DGKD: variants seen among roughly 807,000 people sequenced by gnomAD.
DGKD encodes the protein diacylglycerol kinase delta, also known as DAG kinase delta.
Under a neutral mutation model 154.4 loss-of-function variants are expected in DGKD, and 68 were observed. The ratio of observed to expected loss-of-function variants is 0.44; its 90% confidence interval spans 0.36 to 0.54. The LOEUF (loss-of-function observed/expected upper bound fraction) is 0.54, where lower values mean the gene tolerates loss of function less well. DGKD is among the 20% of genes least tolerant of loss of function. DGKD has a pLI of 0.00. For synonymous variants in DGKD, 693 were observed against 638.0 expected (o/e 1.09, Z -1.30); for missense variants, 1,343 against 1,593.6 (o/e 0.84, Z 2.68).
chr2:233,432,700 C>T (rs1461190007), intron 3 of DGKD, among the ~76,000 whole-genome samples: 1 of 151,926 alleles, frequency 6.6e-6, no homozygotes, highest in Non-Finnish European at 1.5e-5. Context: ...AAAACTATTC[C>T]TCTGACAAGG....
chr2:233,452,563 C>T lies in DGKD; in HGVS notation c.2264+503C>T, dbSNP rs929658557. ...CCTCTGTGTGTCTCCCTTGTGTCTC[C>T]GAGCACCTTAGGGAGACACTAGCCT... On this transcript the variant is annotated intron_variant, in intron 18 of 29. Coordinates refer to ENST00000264057, the MANE Select transcript of DGKD (RefSeq NM_152879.3). The surrounding 1 kb of genome is among the most constrained non-coding windows in gnomAD (Gnocchi z 4.0). Among the ~76,000 whole-genome samples the T allele has an allele frequency of 2.0e-5, 3 of 152,124 alleles. No individual in the cohort carries two copies. Among genetic ancestry groups the T allele is most frequent in the Non-Finnish European group, 2.9e-5 (2 of 68,030 alleles).
chr2:233,445,506 T>G lies in DGKD; in HGVS notation c.1195-117T>G. On this transcript the variant is annotated intron_variant, in intron 10 of 29. Coordinates refer to ENST00000264057, the MANE Select transcript of DGKD (RefSeq NM_152879.3). This position sits in a 1 kb window ranked among gnomAD's most constrained non-coding sequence, Gnocchi z 5.5. ...AATGTGTAAGCTGCGTGGTTTTAGG[T>G]CACGTCCCCACATTGCTAACGTAAC... 1.4e-6 allele frequency: 2 copies of G among 1,419,302 alleles called. No individual in the cohort carries two copies. Among genetic ancestry groups the G allele is most frequent in the Non-Finnish European group, 9.4e-7 (1 of 1,067,452 alleles). 87.9% of individuals were successfully genotyped at this position (1,419,302 alleles called of 1,614,324 possible).
At chr2:233,422,389 A>G (rs2062148339) in intron 3 of DGKD, among the ~76,000 whole-genome samples, 2 of 152,258 alleles carry the variant, frequency 1.3e-5, no homozygotes, top group Non-Finnish European at 1.5e-5. Context: ...GCCCATAGCA[A>G]AATGAGCAGC....
Position 233,457,656 on chromosome 2 carries a change from G to C in DGKD, c.2580+328G>C. On this transcript the variant is annotated intron_variant, in intron 21 of 29. Coordinates refer to ENST00000264057, the MANE Select transcript of DGKD (RefSeq NM_152879.3). The surrounding 1 kb of genome is among the most constrained non-coding windows in gnomAD (Gnocchi z 5.5). The stretch of plus-strand genomic sequence containing the variant: ...TGGAGTTGGCTAAGTTAGGTGGGCA[G>C]AGGAGAGGGGGAGGCTGTTCCAGGC... 2 of 480,448 alleles carry C rather than the reference G, an allele frequency of 4.2e-6. No individual in the cohort carries two copies. The highest frequency in any genetic ancestry group is 8.2e-6 in the Non-Finnish European group (2 of 244,602). The allele number at this position is 480,448 out of a possible 1,614,324, so 29.8% of individuals were successfully genotyped here. A position where few individuals can be genotyped will look rare whatever the true frequency, so the allele number is the denominator to read the frequency against.
At chr2:233,443,014 G>A (rs2062951725) in intron 10 of DGKD, among the ~76,000 whole-genome samples, 1 of 152,168 alleles carries the variant, frequency 6.6e-6, no homozygotes, top group Admixed American at 6.5e-5. Flanking sequence ...GGGAGCCCAG[G>A]GCCAGCTCAC....
intron 3 of DGKD, among the ~76,000 whole-genome samples, chr2:233,423,724 G>A (rs1469762604): frequency 6.6e-6 from 1 of 152,100 alleles, no homozygotes; most frequent in Non-Finnish European, 1.5e-5. Flanking sequence ...GGGTGTTACT[G>A]CCGTTGTCAG....
chr2:233,454,520 G>A lies in DGKD; in HGVS notation c.2265-243G>A, dbSNP rs2063393237. The A allele has an allele frequency of 9.5e-5, 48 of 504,738 alleles. 1 individual carries two copies. Among genetic ancestry groups the A allele is most frequent in the South Asian group, 7.2e-4 (43 of 59,510 alleles). 31.3% of individuals were successfully genotyped at this position (504,738 alleles called of 1,614,324 possible). On this transcript the variant is annotated intron_variant, in intron 18 of 29. Coordinates refer to ENST00000264057, the MANE Select transcript of DGKD (RefSeq NM_152879.3). The stretch of plus-strand genomic sequence containing the variant: ...GGAGTACAGGCTTTCTCTTTAGGGG[G>A]ATGAAATGCTCTAAAATCGATTATC...
Position 233,454,767 on chromosome 2 carries a change from T to G in DGKD, c.2269T>G (p.Tyr757Asp). Residue 757 changes from tyrosine to aspartate, a missense_variant, in exon 19 of 30, where the codon TAT (tyrosine) becomes GAT (aspartate). Physicochemically the swap from Tyr to Asp is radical, Grantham distance 160. Around this residue, in one of 6 missense-constraint regions of DGKD, gnomAD observed 409 missense variants for 446.0 expected, o/e 0.92. Coordinates refer to ENST00000264057, the MANE Select transcript of DGKD (RefSeq NM_152879.3). ...ATTTAAAACTCACCTTTGCAGAGAG[T>G]ATTACACGGAGAAATGTGTCATGAA... ...PFNSEPETLE[Y>D]YTEKCVMNNY... The G allele has an allele frequency of 6.3e-7, 1 of 1,598,916 alleles. No individual in the cohort carries two copies. The highest frequency in any genetic ancestry group is 1.1e-5 in the South Asian group (1 of 90,746).
rs1159271042 is a variant in DGKD, at chr2:233,440,831, C to G, written c.1086-1056C>G. 6.6e-6 allele frequency among the ~76,000 whole-genome samples: 1 copy of G among 152,128 alleles called. No individual in the cohort carries two copies. Among genetic ancestry groups the G allele is most frequent in the Non-Finnish European group, 1.5e-5 (1 of 68,020 alleles). ...CATGGGGAGCTTTCAGGAAGGGTGTCAAGGTGACTGAGGCTCCTGTGGGAC... is the reference window on the plus strand; with the variant it reads ...CATGGGGAGCTTTCAGGAAGGGTGTGAAGGTGACTGAGGCTCCTGTGGGAC... On this transcript the variant is annotated intron_variant, in intron 9 of 29. Coordinates refer to ENST00000264057, the MANE Select transcript of DGKD (RefSeq NM_152879.3). This position sits in a 1 kb window ranked among gnomAD's most constrained non-coding sequence, Gnocchi z 4.9.
intron 3 of DGKD, among the ~76,000 whole-genome samples, chr2:233,396,735 GTC>G (rs968902663): frequency 6.6e-6 from 1 of 152,110 alleles, no homozygotes; most frequent in African/African-American, 2.4e-5. Context: ...GTTGGTGTGT[GTC>G]TGTGTGTTTC....
At chr2:233,406,545 C>T (rs115781847) in intron 3 of DGKD, among the ~76,000 whole-genome samples, 1,567 of 152,242 alleles carry the variant, frequency 0.01, 32 homozygotes, top group African/African-American at 0.035. Flanking sequence ...GACGGGGAGA[C>T]GAGGAGAGGA....
At chr2:233,396,449 C>CCAGAGTTTCAAT (rs71058552) in intron 3 of DGKD, among the ~76,000 whole-genome samples, 7 of 151,748 alleles carry the variant, frequency 4.6e-5, no homozygotes, top group Non-Finnish European at 8.8e-5. Context: ...ATGCTGAGTG[C>CCAGAGTTTCAAT]GGTGGGTAGA....
intron 3 of DGKD, among the ~76,000 whole-genome samples, chr2:233,416,868 C>T (rs537698768): frequency 2.0e-5 from 3 of 152,288 alleles, no homozygotes; most frequent in South Asian, 4.2e-4. Flanking sequence ...AGCCCAGCTA[C>T]TGAAAGCCAA....
chr2:233,378,683 A>G (rs892447445), intron 1 of DGKD, among the ~76,000 whole-genome samples: 1 of 151,942 alleles, frequency 6.6e-6, no homozygotes, highest in African/African-American at 2.4e-5. Context: ...ATGTTTTCAT[A>G]TTTTTTGCCC....
At position 233,388,591 on chromosome 2, in the gene DGKD, T is replaced by C. The variant is rs1026882619; in HGVS notation, c.267+224T>C. Reference sequence around the variant, plus strand: ...TTCATTTTCCTTTTCTTTAATGTCATCGGTAATGGGGAAAAGGAAAAAAGG... The same window carrying C: ...TTCATTTTCCTTTTCTTTAATGTCACCGGTAATGGGGAAAAGGAAAAAAGG... On this transcript the variant is annotated intron_variant, in intron 2 of 29. Transcript: ENST00000264057. 129 of 417,892 alleles carry C rather than the reference T, an allele frequency of 3.1e-4. No homozygotes were observed. In the East Asian group the frequency reaches 4.9e-3, roughly 16 times the overall value. 25.9% of individuals were successfully genotyped at this position (417,892 alleles called of 1,614,324 possible).
Position 233,382,491 on chromosome 2 carries a change from C to T in DGKD, c.157-5766C>T, listed in dbSNP as rs544812770. On this transcript the variant is annotated intron_variant, in intron 1 of 29. Coordinates refer to ENST00000264057, the MANE Select transcript of DGKD (RefSeq NM_152879.3). ...ACATTTGGCTAATTTTCTTTCCTTT[C>T]TGCTACTTTTTTTTTGTTTCCCTCC... is the stretch of plus-strand genomic sequence containing the variant. Among the ~76,000 whole-genome samples the T allele has an allele frequency of 3.3e-5, 5 of 152,142 alleles. No homozygotes were observed. In the South Asian group the frequency reaches 1.0e-3, roughly 32 times the overall value.
chr2:233,448,396 T>G, intron 14 of DGKD, 21 bp downstream of exon 14: 2 of 1,606,660 alleles, frequency 1.2e-6, no homozygotes, highest in Non-Finnish European at 1.7e-6. Flanking sequence ...GTGCCCTGGG[T>G]GGGAGGGGCA....
Position 233,454,876 on chromosome 2 carries a change from A to G in DGKD, c.2375+3A>G, listed in dbSNP as rs1397235350. On this transcript the variant is annotated splice_donor_region_variant and intron_variant, in intron 19 of 29. Coordinates refer to ENST00000264057, the MANE Select transcript of DGKD (RefSeq NM_152879.3). ...GATGAGCACCCAGAGAAGTGCAGGT[A>G]GGTAACAGGCTCAGGAGCACGTCTG... The G allele has an allele frequency of 1.9e-6, 3 of 1,593,368 alleles. No homozygotes were observed. Among genetic ancestry groups the G allele is most frequent in the African/African-American group, 2.7e-5 (2 of 74,610 alleles).
chr2:233,420,288 G>A (rs1169642235), intron 3 of DGKD, among the ~76,000 whole-genome samples: 1 of 152,128 alleles, frequency 6.6e-6, no homozygotes, highest in East Asian at 1.9e-4. Context: ...ATAGGGCATG[G>A]CTATATTGTG....
Sources: allele counts gnomAD v4.1 joint callset (sites outside exome capture counted in the v4.1 genomes callset), GRCh38; gene constraint gnomAD v4.1.1; regional missense constraint gnomAD v4.1.1; non-coding constraint Gnocchi (gnomAD v3.1); transcripts MANE v1.5; gene names NCBI Gene and HGNC (gene_info 2026-07-23, HGNC 2026-07-21).